The following CSMD3 variants were observed in gnomAD, a reference collection of about 807,000 sequenced individuals.
CSMD3 encodes CUB and sushi domain-containing protein 3.
CSMD3 carries 177 observed loss-of-function variants against 435.2 expected under a neutral mutation model. The ratio of observed to expected loss-of-function variants is 0.41; its 90% CI spans 0.36 to 0.46. The LOEUF (loss-of-function observed/expected upper bound fraction) is 0.46, where lower values mean the gene tolerates loss of function less well. Ranked by LOEUF, CSMD3 falls within the 20% of genes least tolerant of loss-of-function variation. The probability of loss-of-function intolerance (pLI) is 0.34; values close to 1 mark genes in which losing one functional copy is unlikely to be tolerated. For missense variants in CSMD3, 4,265 were observed against 4,504.6 expected, an observed-to-expected ratio of 0.95 and a Z score of 1.52; for synonymous variants, 1,656 against 1,520.5, an observed-to-expected ratio of 1.09 and a Z score of -2.07.
intron 1 of CSMD3, among the ~76,000 whole-genome samples, chr8:113,367,169 A>G (rs1295767010): frequency 1.3e-5 from 2 of 151,868 alleles, no homozygotes; most frequent in Non-Finnish European, 2.9e-5. Context: ...CTATTATAAA[A>G]TATAATTACT....
At chr8:112,500,010 G>A (rs1031471355) in intron 30 of CSMD3, among the ~76,000 whole-genome samples, 5 of 152,262 alleles carry the variant, frequency 3.3e-5, no homozygotes, top group African/African-American at 7.2e-5. Context: ...TCAGGGGGCT[G>A]AGGGACGAGA....
chr8:112,881,677 G>A (rs1039543049), intron 10 of CSMD3, among the ~76,000 whole-genome samples: 8 of 152,026 alleles, frequency 5.3e-5, no homozygotes, highest in Admixed American at 1.3e-4. Context: ...ATAGCCAACC[G>A]TTTCCCAAAA....
chr8:112,323,734 A>G (rs1823231583), intron 45 of CSMD3, among the ~76,000 whole-genome samples: 2 of 152,170 alleles, frequency 1.3e-5, no homozygotes, highest in South Asian at 4.1e-4. Flanking sequence ...CCTTACCTTC[A>G]GTGTCTCCCT....
chr8:112,238,161 G>A (rs1255547416), intron 66 of CSMD3, among the ~76,000 whole-genome samples: 2 of 151,924 alleles, frequency 1.3e-5, no homozygotes, highest in African/African-American at 4.8e-5. Flanking sequence ...CTGAGGTATA[G>A]GATTAATCCT....
intron 4 of CSMD3, among the ~76,000 whole-genome samples, chr8:113,116,500 G>A (rs1486570549): frequency 1.3e-5 from 2 of 152,154 alleles, no homozygotes; most frequent in African/African-American, 4.8e-5. Flanking sequence ...GTCTCAGTAT[G>A]TCTTTATTAG....
intron 24 of CSMD3, among the ~76,000 whole-genome samples, chr8:112,566,127 C>T (rs779553942): frequency 2.7e-5 from 4 of 149,902 alleles, no homozygotes; most frequent in Non-Finnish European, 5.9e-5. Context: ...TATAACACTT[C>T]AAATCTATAA....
intron 18 of CSMD3, among the ~76,000 whole-genome samples, chr8:112,654,947 C>T (rs2075220075): frequency 6.6e-6 from 1 of 152,126 alleles, no homozygotes; most frequent in African/African-American, 2.4e-5. Flanking sequence ...ACATGTTAGA[C>T]TCAAAATATC....
chr8:113,387,852 A>G (rs2094445859), intron 1 of CSMD3, among the ~76,000 whole-genome samples: 1 of 151,722 alleles, frequency 6.6e-6, no homozygotes, highest in Non-Finnish European at 1.5e-5. Flanking sequence ...ATCTAAATGT[A>G]TTACTGTCAT....
In CSMD3 at chr8:112,855,809, C is replaced by CTTTTTTTTTTTTTTT. The variant is rs34885472; in HGVS notation, c.1755+3321_1755+3335dup. On this transcript the variant is annotated intron_variant, in intron 11 of 70. Coordinates refer to ENST00000297405, the MANE Select transcript of CSMD3 (RefSeq NM_198123.2). ...TCCCTTCAAATATGTCTTAGCGAAGCTTTTTTTTTTTTTTTTCTTTGTCTC... is the reference window on the plus strand; with the variant it reads ...TCCCTTCAAATATGTCTTAGCGAAGCTTTTTTTTTTTTTTTTTTTTTTTTTTTTTTTCTTTGTCTC... 1.7e-4 allele frequency among the ~76,000 whole-genome samples: 23 copies of CTTTTTTTTTTTTTTT among 135,572 alleles called. 1 individual carries two copies. The highest frequency in any genetic ancestry group is 2.5e-4 in the Non-Finnish European group (16 of 63,638). 88.9% of individuals were successfully genotyped at this position (135,572 alleles called of 152,430 possible).
chr8:112,605,453 G>A (rs1832714473), intron 22 of CSMD3, among the ~76,000 whole-genome samples: 1 of 152,016 alleles, frequency 6.6e-6, no homozygotes, highest in Non-Finnish European at 1.5e-5. Flanking sequence ...GTCATAAAAA[G>A]GAATGAACTC....
chr8:113,092,749 T>C (rs756235756), intron 5 of CSMD3, among the ~76,000 whole-genome samples: 2 of 152,022 alleles, frequency 1.3e-5, no homozygotes, highest in South Asian at 2.1e-4. Context: ...AACAGTCAAA[T>C]AAATGGATCC....
intron 31 of CSMD3, among the ~76,000 whole-genome samples, chr8:112,478,733 T>C (rs1819326639): frequency 1.3e-5 from 2 of 152,130 alleles, no homozygotes; most frequent in African/African-American, 4.8e-5. Flanking sequence ...AAAAACAGCT[T>C]GAAGGCTGAA....
At chr8:113,036,828 G>A (rs2087373603) in intron 5 of CSMD3, among the ~76,000 whole-genome samples, 1 of 152,028 alleles carries the variant, frequency 6.6e-6, no homozygotes, top group Admixed American at 6.6e-5. Flanking sequence ...CTGATTTATG[G>A]AGGATGTTAG....
At chr8:113,220,198 A>G (rs1240722160) in intron 3 of CSMD3, among the ~76,000 whole-genome samples, 1 of 151,422 alleles carries the variant, frequency 6.6e-6, no homozygotes, top group African/African-American at 2.4e-5. Context: ...CGTTTGATGA[A>G]AGAGCCCAGC....
At chr8:112,461,878 G>A (rs1306248709) in intron 32 of CSMD3, among the ~76,000 whole-genome samples, 1 of 152,158 alleles carries the variant, frequency 6.6e-6, no homozygotes, top group African/African-American at 2.4e-5. Flanking sequence ...ATGTACTTCT[G>A]TAAGCAGATT....
chr8:113,293,008 T>C (rs558600620), intron 2 of CSMD3, among the ~76,000 whole-genome samples: 1 of 151,986 alleles, frequency 6.6e-6, no homozygotes, highest in East Asian at 2.0e-4. Flanking sequence ...TTTAAATTCC[T>C]TCTAAACACA....
At chr8:113,219,042 C>T (rs192486442) in intron 3 of CSMD3, among the ~76,000 whole-genome samples, 2 of 151,376 alleles carry the variant, frequency 1.3e-5, no homozygotes, top group East Asian at 1.9e-4. Context: ...AGTTTAAAAA[C>T]TCTTGGAAAA....
intron 31 of CSMD3, among the ~76,000 whole-genome samples, chr8:112,480,243 T>A (rs1055352498): frequency 6.6e-6 from 1 of 152,228 alleles, no homozygotes; most frequent in African/African-American, 2.4e-5. Flanking sequence ...ATGCCTGCAC[T>A]ACTATTGTAT....
At chr8:112,387,071 C>T (rs2129652070) in intron 36 of CSMD3, among the ~76,000 whole-genome samples, 1 of 152,238 alleles carries the variant, frequency 6.6e-6, no homozygotes, top group South Asian at 2.1e-4. Flanking sequence ...TGATGGCTAT[C>T]ACTGCTAATT....
Sources: allele counts gnomAD v4.1 joint callset (sites outside exome capture counted in the v4.1 genomes callset), GRCh38; gene constraint gnomAD v4.1.1; transcripts MANE v1.5; gene names NCBI Gene and HGNC (gene_info 2026-07-23, HGNC 2026-07-21).